FRMD4A: variants seen among roughly 807,000 people sequenced by gnomAD.
The protein encoded by FRMD4A is FERM domain-containing protein 4A.
FRMD4A carries 29 observed loss-of-function variants against 129.1 expected under a neutral mutation model. The observed-to-expected ratio is 0.22, with a 90% confidence interval of 0.17 to 0.31. The LOEUF (loss-of-function observed/expected upper bound fraction) is 0.31, where lower values mean the gene tolerates loss of function less well. FRMD4A is among the 10% of genes least tolerant of loss of function. The pLI is 1.00. For missense variants in FRMD4A, 1,272 were observed against 1,375.8 expected (o/e 0.92, Z 1.19); for synonymous variants, 634 against 571.6 (o/e 1.11, Z -1.56).
chr10:13,957,330 TG>T (rs1257986422), intron 2 of FRMD4A, among the ~76,000 whole-genome samples: 1 of 152,224 alleles, frequency 6.6e-6, no homozygotes, highest in Admixed American at 6.5e-5. Context: ...CTGGGCTTAC[TG>T]CAATCTCTGC....
intron 2 of FRMD4A, among the ~76,000 whole-genome samples, chr10:13,964,494 C>T (rs1185653685): frequency 6.6e-6 from 1 of 151,370 alleles, no homozygotes; most frequent in Non-Finnish European, 1.5e-5. Context: ...GGTGGGGAGG[C>T]AATAGAGAGG....
At chr10:14,133,701 G>T (rs540895019) in intron 2 of FRMD4A, among the ~76,000 whole-genome samples, 1 of 152,164 alleles carries the variant, frequency 6.6e-6, no homozygotes, top group South Asian at 2.1e-4. Context: ...TGTGTGGAGA[G>T]GGAGGAGTAA....
chr10:13,751,280 C>A (rs1309614628), intron 8 of FRMD4A, among the ~76,000 whole-genome samples: 1 of 152,148 alleles, frequency 6.6e-6, no homozygotes, highest in East Asian at 1.9e-4. Flanking sequence ...GCAGTGAGTT[C>A]TCTAGCTCTG....
At chr10:13,726,907 T>C (rs957055623) in intron 12 of FRMD4A, among the ~76,000 whole-genome samples, 1 of 146,484 alleles carries the variant, frequency 6.8e-6, no homozygotes, top group African/African-American at 2.6e-5. Flanking sequence ...AGTTTGCTTT[T>C]TTTTCTGAGA....
At chr10:13,770,219 G>A (rs1191033027) in intron 6 of FRMD4A, among the ~76,000 whole-genome samples, 2 of 152,026 alleles carry the variant, frequency 1.3e-5, no homozygotes, top group Non-Finnish European at 2.9e-5. Context: ...AGACTGATGC[G>A]ATCTCGCACA....
intron 2 of FRMD4A, among the ~76,000 whole-genome samples, chr10:14,105,386 C>A (rs754195581): frequency 6.6e-5 from 10 of 151,936 alleles, no homozygotes; most frequent in Non-Finnish European, 1.2e-4. Flanking sequence ...GGCAACATAG[C>A]AAGACCCCAT....
rs547258319 is a variant in FRMD4A at position 14,239,488 on chromosome 10, G to A, written c.45+90570C>T. 3.0e-4 allele frequency among the ~76,000 whole-genome samples: 45 copies of A among 152,266 alleles called. No homozygotes were observed. In the East Asian group the frequency reaches 4.3e-3, roughly 14 times the overall value. On this transcript the variant is annotated intron_variant, in intron 2 of 24. Transcript: ENST00000357447. ...TAAAAATAGAAAAAATTAGCTGGGC[G>A]TGGTGGTGGGCACCTGTAGTCCCAG... is the stretch of plus-strand genomic sequence containing the variant.
intron 2 of FRMD4A, among the ~76,000 whole-genome samples, chr10:14,278,094 G>A (rs1467018682): frequency 1.3e-5 from 2 of 152,158 alleles, no homozygotes; most frequent in African/African-American, 2.4e-5. Flanking sequence ...CGCTTTGGCA[G>A]GTTGGGGCTC....
chr10:14,023,457 GC>G, intron 2 of FRMD4A, among the ~76,000 whole-genome samples: 1 of 152,370 alleles, frequency 6.6e-6, no homozygotes, highest in East Asian at 1.9e-4. Context: ...TTCTCCAGCT[GC>G]GAGACGCAGA....
chr10:14,214,268 A>T (rs374773636), intron 2 of FRMD4A, among the ~76,000 whole-genome samples: 2 of 152,134 alleles, frequency 1.3e-5, no homozygotes, highest in East Asian at 3.9e-4. Context: ...AGCCTGCAGA[A>T]CTCTACCTGG....
At chr10:14,091,923 T>C (rs1836684090) in intron 2 of FRMD4A, among the ~76,000 whole-genome samples, 1 of 152,214 alleles carries the variant, frequency 6.6e-6, no homozygotes, top group South Asian at 2.1e-4. Flanking sequence ...GAAATGAACA[T>C]ATTATTACAA....
At chr10:13,894,554 G>A (rs1547834) in intron 2 of FRMD4A, among the ~76,000 whole-genome samples, 107,461 of 152,052 alleles carry the variant, frequency 0.71, 38,305 homozygotes, top group East Asian at 0.81. Flanking sequence ...TCACTGCTCT[G>A]CTTAAAGACT....
intron 15 of FRMD4A, among the ~76,000 whole-genome samples, chr10:13,677,166 C>A (rs1342759856): frequency 6.6e-6 from 1 of 152,166 alleles, no homozygotes; most frequent in African/African-American, 2.4e-5. Flanking sequence ...CTCTTACTAC[C>A]CTAATCACCA....
chr10:13,731,030 A>G (rs1440221580), intron 12 of FRMD4A, among the ~76,000 whole-genome samples: 1 of 149,964 alleles, frequency 6.7e-6, no homozygotes, highest in African/African-American at 2.4e-5. Flanking sequence ...TCCCTCTCAA[A>G]AAAAAAAAAA....
chr10:13,712,444 A>T (rs1202964704), intron 12 of FRMD4A, among the ~76,000 whole-genome samples: 1 of 151,580 alleles, frequency 6.6e-6, no homozygotes, highest in Non-Finnish European at 1.5e-5. Flanking sequence ...TACCCAGGAG[A>T]CGGAGGTTGC....
At chr10:14,145,127 C>T (rs561670995) in intron 2 of FRMD4A, among the ~76,000 whole-genome samples, 4 of 152,146 alleles carry the variant, frequency 2.6e-5, no homozygotes, top group African/African-American at 4.8e-5. Context: ...CAAACACAGG[C>T]AGGTGAGGAC....
intron 13 of FRMD4A, among the ~76,000 whole-genome samples, chr10:13,702,647 A>T (rs1401800023): frequency 6.6e-6 from 1 of 152,120 alleles, no homozygotes; most frequent in Admixed American, 6.6e-5. Context: ...AACAAAATGT[A>T]TGTTCTCAAG....
In FRMD4A at chr10:14,000,667, A is replaced by AAAAAAAG. The variant is rs200369296; in HGVS notation, c.46-141756_46-141755insCTTTTTT. On this transcript the variant is annotated intron_variant, in intron 2 of 24. Coordinates refer to ENST00000357447, the MANE Select transcript of FRMD4A (RefSeq NM_018027.5). ...ACCTCAAAAAAAAAAAAAAAAAAAA[A>AAAAAAAG]AGAGAAGAAAGCTATGTCCCCTTTC... Among the ~76,000 whole-genome samples, 279 of 106,820 alleles carry AAAAAAAG rather than the reference A, an allele frequency of 2.6e-3. 22 individuals are homozygous for AAAAAAAG. The highest frequency in any genetic ancestry group is 4.0e-3 in the South Asian group (9 of 2,240). The allele number at this position is 106,820 out of a possible 152,430, so 70.1% of individuals were successfully genotyped here.
intron 2 of FRMD4A, among the ~76,000 whole-genome samples, chr10:14,178,899 G>A (rs1383301929): frequency 1.3e-5 from 2 of 152,144 alleles, no homozygotes; most frequent in Non-Finnish European, 2.9e-5. Flanking sequence ...TCTACTTTGT[G>A]GTAGGTGGAC....
Sources: allele counts gnomAD v4.1 joint callset (sites outside exome capture counted in the v4.1 genomes callset), GRCh38; gene constraint gnomAD v4.1.1; transcripts MANE v1.5; gene names NCBI Gene and HGNC (gene_info 2026-07-23, HGNC 2026-07-21).